AOPEP: variants seen among roughly 807,000 people sequenced by gnomAD.
AOPEP encodes the protein aminopeptidase O.
In AOPEP, 77 loss-of-function variants were observed where a neutral mutation model predicts 98.1. The observed-to-expected ratio is 0.78, with a 90% CI of 0.65 to 0.95. The LOEUF (loss-of-function observed/expected upper bound fraction) is 0.95, where lower values mean the gene tolerates loss of function less well. Ranked by LOEUF, AOPEP falls within the 40% of genes least tolerant of loss-of-function variation. The pLI is 0.00. For missense variants in AOPEP, 1,024 were observed against 1,024.7 expected, an observed-to-expected ratio of 1.00 and a Z score of 0.01; for synonymous variants, 346 against 365.3, an observed-to-expected ratio of 0.95 and a Z score of 0.60.
chr9:95,050,993 G>T (rs892638691), intron 13 of AOPEP, among the ~76,000 whole-genome samples: 2 of 152,096 alleles, frequency 1.3e-5, no homozygotes, highest in Non-Finnish European at 2.9e-5. Context: ...CCTGAGGATC[G>T]GAGTGGTTGA....
chr9:94,748,945 T>G (rs1234701762), intron 1 of AOPEP, among the ~76,000 whole-genome samples: 1 of 152,316 alleles, frequency 6.6e-6, no homozygotes, highest in East Asian at 1.9e-4. Flanking sequence ...AAACATAATA[T>G]TTTTTCTTTT....
chr9:95,103,998 C>T, the AOPEP span, among the ~76,000 whole-genome samples: 100 of 152,320 alleles, frequency 6.6e-4, no homozygotes, highest in Non-Finnish European at 1.1e-3. Flanking sequence ...TGGCTGCGCT[C>T]GTGCTAGGTC....
At chr9:95,150,133 A>C in the AOPEP span, 2 of 1,604,972 alleles carry the variant, frequency 1.2e-6, no homozygotes. Flanking sequence ...AGAGCCATGC[A>C]TAATTAAGGA....
the AOPEP span, among the ~76,000 whole-genome samples, chr9:95,122,263 T>C: frequency 6.6e-6 from 1 of 152,194 alleles, no homozygotes; most frequent in African/African-American, 2.4e-5. Context: ...ATACTCATTT[T>C]ATTAAGAAGG....
intron 11 of AOPEP, among the ~76,000 whole-genome samples, chr9:94,986,560 G>C (rs1367251033): frequency 6.6e-6 from 1 of 152,074 alleles, no homozygotes; most frequent in Non-Finnish European, 1.5e-5. Context: ...TACATGTTTT[G>C]GTCCCAAATG....
At chr9:94,747,079 G>A (rs1178826862) in intron 1 of AOPEP, among the ~76,000 whole-genome samples, 1 of 149,156 alleles carries the variant, frequency 6.7e-6, no homozygotes, top group Admixed American at 6.7e-5. Context: ...TCACAATAGA[G>A]TCTTTCATTA....
chr9:94,883,907 G>A (rs1466562092), intron 5 of AOPEP, among the ~76,000 whole-genome samples: 2 of 152,188 alleles, frequency 1.3e-5, no homozygotes, highest in African/African-American at 4.8e-5. Context: ...GGTGGGTATT[G>A]TGGGACCTCC....
chr9:94,971,960 G>A (rs998816421), intron 10 of AOPEP, among the ~76,000 whole-genome samples: 2 of 152,138 alleles, frequency 1.3e-5, no homozygotes, highest in African/African-American at 4.8e-5. Context: ...AGGCAGTGCC[G>A]TCAACAGATT....
chr9:95,073,506 C>T (rs1479009510), intron 14 of AOPEP, among the ~76,000 whole-genome samples: 2 of 151,296 alleles, frequency 1.3e-5, no homozygotes, highest in African/African-American at 4.8e-5. Context: ...CCCAGCAGGC[C>T]GGGCGCGGGG....
chr9:95,086,023 C>G, intron 16 of AOPEP: 1 of 1,367,370 alleles, frequency 7.3e-7, no homozygotes, highest in Non-Finnish European at 9.8e-7. Flanking sequence ...GACCCGCCCT[C>G]CGGTGCCTAC....
intron 5 of AOPEP, among the ~76,000 whole-genome samples, chr9:94,915,058 AGC>A (rs1332564120): frequency 6.6e-6 from 1 of 152,162 alleles, no homozygotes; most frequent in Non-Finnish European, 1.5e-5. Context: ...CATGTGTATG[AGC>A]CAGGCTGCTT....
At chr9:95,116,921 G>A in the AOPEP span, among the ~76,000 whole-genome samples, 1 of 152,288 alleles carries the variant, frequency 6.6e-6, no homozygotes, top group African/African-American at 2.4e-5. Flanking sequence ...CTTTTCTTCT[G>A]CAACAAGGCT....
chr9:95,056,922 C>T (rs1308626399), intron 13 of AOPEP, among the ~76,000 whole-genome samples: 1 of 152,170 alleles, frequency 6.6e-6, no homozygotes, highest in Admixed American at 6.5e-5. Flanking sequence ...ACCCACATCA[C>T]TTTGGCACCT....
chr9:95,042,662 A>G (rs1295938020), intron 13 of AOPEP, among the ~76,000 whole-genome samples: 2 of 152,144 alleles, frequency 1.3e-5, no homozygotes, highest in Admixed American at 6.5e-5. Flanking sequence ...TCCTTGGTTC[A>G]TGGCCCCTTC....
At chr9:95,096,620 T>C in the AOPEP span, among the ~76,000 whole-genome samples, 1 of 151,812 alleles carries the variant, frequency 6.6e-6, no homozygotes, top group African/African-American at 2.4e-5. Context: ...AGCCTCTAGG[T>C]GGAGTCCAAG....
intron 15 of AOPEP, among the ~76,000 whole-genome samples, 170 bp from the exon 16 acceptor site, chr9:95,082,405 G>C (rs1421793951): frequency 6.6e-6 from 1 of 152,226 alleles, no homozygotes; most frequent in African/African-American, 2.4e-5. Flanking sequence ...AGGGATTGCA[G>C]ACTGCAGCTT....
chr9:95,109,185 T>G, the AOPEP span, among the ~76,000 whole-genome samples: 3 of 152,164 alleles, frequency 2.0e-5, no homozygotes, highest in Non-Finnish European at 4.4e-5. Context: ...GTGCTGAGAT[T>G]ACAGGCATGA....
chr9:95,091,940 G>A (rs559339090), downstream of AOPEP, among the ~76,000 whole-genome samples: 3 of 152,292 alleles, frequency 2.0e-5, no homozygotes, highest in Non-Finnish European at 4.4e-5. Context: ...GGTGGGAAAA[G>A]GGGGTTGATG....
chr9:94,964,407 A>G (rs1438299201), intron 9 of AOPEP, among the ~76,000 whole-genome samples: 2 of 152,206 alleles, frequency 1.3e-5, no homozygotes, highest in Non-Finnish European at 2.9e-5. Flanking sequence ...GCAATCCTGT[A>G]CAGAAGGATC....
Sources: gnomAD v4.1 joint callset for allele counts (sites outside exome capture counted in the v4.1 genomes callset) on GRCh38, gnomAD v4.1.1 for gene constraint, MANE v1.5 for transcripts, NCBI Gene and HGNC (gene_info 2026-07-23, HGNC 2026-07-21) for gene names.